The following DYM variants were observed in gnomAD, a reference collection of about 807,000 sequenced individuals.
DYM encodes dymeclin.
Under a neutral mutation model 93.1 loss-of-function variants are expected in DYM, and 78 were observed. That is an observed-to-expected ratio of 0.84 (90% CI 0.70 to 1.01). The LOEUF (loss-of-function observed/expected upper bound fraction) is 1.01. DYM is among the 50% of genes least tolerant of loss of function. DYM has a pLI of 0.00. For synonymous variants in DYM, 321 were observed against 319.7 expected, an observed-to-expected ratio of 1.00 and a Z score of -0.04; for missense variants, 789 against 845.0, an observed-to-expected ratio of 0.93 and a Z score of 0.82.
chr18:49,450,061 A>G (rs2082392527), intron 1 of DYM, among the ~76,000 whole-genome samples: 1 of 152,248 alleles, frequency 6.6e-6, no homozygotes, highest in African/African-American at 2.4e-5. Flanking sequence ...AATTTTGCCC[A>G]GGGATAAGAG....
At chr18:49,129,835 T>G (rs907473584) in intron 15 of DYM, among the ~76,000 whole-genome samples, 1 of 152,114 alleles carries the variant, frequency 6.6e-6, no homozygotes, top group African/African-American at 2.4e-5. Flanking sequence ...CAGCAAACCC[T>G]CTTGGCCTGT....
At chr18:49,262,520 TCTTA>T (rs1206189300) in intron 11 of DYM, among the ~76,000 whole-genome samples, 1 of 152,208 alleles carries the variant, frequency 6.6e-6, no homozygotes, top group African/African-American at 2.4e-5. Flanking sequence ...TTTGTTCGCA[TCTTA>T]CTTTTTTCAC....
intron 16 of DYM, among the ~76,000 whole-genome samples, chr18:49,106,546 G>A (rs1211020256): frequency 6.6e-6 from 1 of 152,154 alleles, no homozygotes; most frequent in Non-Finnish European, 1.5e-5. Context: ...GCTGGTACCG[G>A]TTGTTCCTTT....
intron 16 of DYM, among the ~76,000 whole-genome samples, chr18:49,102,824 A>G (rs2080320237): frequency 6.6e-6 from 1 of 152,174 alleles, no homozygotes. Flanking sequence ...ATTGATGGAC[A>G]TTTGGCTTGG....
chr18:49,123,560 G>A (rs1407353063), intron 15 of DYM, among the ~76,000 whole-genome samples: 2 of 152,162 alleles, frequency 1.3e-5, no homozygotes, highest in Non-Finnish European at 2.9e-5. Flanking sequence ...GCCTACAGTA[G>A]CTGAGCTCCC....
intron 8 of DYM, among the ~76,000 whole-genome samples, chr18:49,295,305 A>C (rs1459885580): frequency 6.6e-6 from 1 of 152,206 alleles, no homozygotes; most frequent in Non-Finnish European, 1.5e-5. Context: ...TTTTTGATAA[A>C]AATAAAATTT....
chr18:49,427,558 T>C (rs1213504885), intron 2 of DYM, among the ~76,000 whole-genome samples: 1 of 152,060 alleles, frequency 6.6e-6, no homozygotes, highest in Non-Finnish European at 1.5e-5. Context: ...GTTAATTTTG[T>C]GAGGTGTGAT....
At chr18:49,151,864 C>T (rs779923042) in intron 15 of DYM, among the ~76,000 whole-genome samples, 1 of 151,936 alleles carries the variant, frequency 6.6e-6, no homozygotes, top group East Asian at 1.9e-4. Flanking sequence ...TCTGAGCAAA[C>T]AGAAAATTAA....
intron 5 of DYM, among the ~76,000 whole-genome samples, chr18:49,377,229 T>G (rs951004119): frequency 6.6e-6 from 1 of 152,210 alleles, no homozygotes; most frequent in African/African-American, 2.4e-5. Flanking sequence ...AGGTTAACTT[T>G]CCACAGAATC....
chr18:49,148,367 A>G (rs576462704), intron 15 of DYM, among the ~76,000 whole-genome samples: 25 of 151,966 alleles, frequency 1.6e-4, no homozygotes, highest in African/African-American at 5.8e-4. Context: ...AAAAAAAAAA[A>G]GAAAATAGAA....
chr18:49,104,724 G>T (rs1003025631), intron 16 of DYM, among the ~76,000 whole-genome samples: 8 of 152,044 alleles, frequency 5.3e-5, no homozygotes, highest in African/African-American at 1.7e-4. Flanking sequence ...TATTGATTTG[G>T]TATGTTGAAC....
At chr18:49,419,035 T>C (rs1235447144) in intron 2 of DYM, among the ~76,000 whole-genome samples, 2 of 152,226 alleles carry the variant, frequency 1.3e-5, no homozygotes, top group African/African-American at 4.8e-5. Context: ...GATCCCTTTA[T>C]ACGTTTCTCT....
At chr18:49,196,621 A>G (rs1156892777) in intron 14 of DYM, among the ~76,000 whole-genome samples, 1 of 152,190 alleles carries the variant, frequency 6.6e-6, no homozygotes, top group Admixed American at 6.5e-5. Context: ...GAAAAATGTA[A>G]GAAAATATGG....
intron 14 of DYM, among the ~76,000 whole-genome samples, chr18:49,201,480 A>T (rs901771658): frequency 1.3e-5 from 2 of 152,226 alleles, no homozygotes; most frequent in African/African-American, 4.8e-5. Flanking sequence ...CGACCACATC[A>T]GTCAGGCTCA....
chr18:49,453,808 C>T (rs1334718181), intron 1 of DYM, among the ~76,000 whole-genome samples: 1 of 152,108 alleles, frequency 6.6e-6, no homozygotes, highest in East Asian at 1.9e-4. Context: ...ATATGTCACA[C>T]CCTGGCTATG....
chr18:49,214,643 T>G (rs2092944292), intron 13 of DYM, among the ~76,000 whole-genome samples: 2 of 152,158 alleles, frequency 1.3e-5, no homozygotes, highest in African/African-American at 4.8e-5. Flanking sequence ...ATTGTTAATT[T>G]TGGTGGTTAT....
chr18:49,307,937 G>C (rs2061365105), intron 8 of DYM, among the ~76,000 whole-genome samples: 1 of 152,190 alleles, frequency 6.6e-6, no homozygotes. Context: ...TAATAAAAGT[G>C]ACAGCTTGGA....
intron 1 of DYM, among the ~76,000 whole-genome samples, chr18:49,433,817 G>A (rs994757367): frequency 2.0e-5 from 3 of 152,092 alleles, no homozygotes; most frequent in South Asian, 2.1e-4. Context: ...GCAGTGAGCC[G>A]AGATTGTGCC....
Position 49,043,992 on chromosome 18 carries a change from A to G in DYM, c.*63T>C. 6.3e-7 allele frequency: 1 copy of G among 1,597,330 alleles called. No individual in the cohort carries two copies. The highest frequency in any genetic ancestry group is 8.6e-7 in the Non-Finnish European group (1 of 1,168,906). ...ACCTGTCTGTCTACTTCTGTTACCC[A>G]GAAATAAAAGAACTTGAAGGGCTGC... On this transcript the variant is annotated 3_prime_UTR_variant, in exon 18 of 18. Transcript: ENST00000675505.
Sources: gnomAD v4.1 joint callset for allele counts (sites outside exome capture counted in the v4.1 genomes callset) on GRCh38, gnomAD v4.1.1 for gene constraint, MANE v1.5 for transcripts, NCBI Gene and HGNC (gene_info 2026-07-23, HGNC 2026-07-21) for gene names.